The following PDLIM5 variants were observed in gnomAD, a reference collection of about 807,000 sequenced individuals.
PDLIM5 encodes the protein PDZ and LIM domain 5, also known as PDZ and LIM domain protein 5.
A neutral mutation model predicts 64.2 loss-of-function variants in PDLIM5; 34 were observed. That is an observed-to-expected ratio of 0.53 (90% CI 0.40 to 0.71). PDLIM5 has a LOEUF of 0.71. Among genes scored for constraint, PDLIM5 ranks in the 30% least tolerant of loss-of-function variants. PDLIM5 has a pLI of 0.00. For synonymous variants in PDLIM5, 253 were observed against 269.1 expected (o/e 0.94, Z 0.59); for missense variants, 683 against 733.6 (o/e 0.93, Z 0.80).
At chr4:94,607,921 A>C in intron 7 of PDLIM5, 1 of 475,018 alleles carries the variant, frequency 2.1e-6, no homozygotes, top group Non-Finnish European at 3.6e-6. Context: ...CCATTTGTAG[A>C]TGTGAAGTAA....
At chr4:94,555,652 A>G (rs1733228654) in intron 3 of PDLIM5, among the ~76,000 whole-genome samples, 2 of 152,042 alleles carry the variant, frequency 1.3e-5, no homozygotes, top group South Asian at 4.1e-4. Flanking sequence ...TTTCCCCATG[A>G]AAGTACCATA....
At chr4:94,454,969 G>T (rs763965493) in intron 1 of PDLIM5, among the ~76,000 whole-genome samples, 3 of 152,194 alleles carry the variant, frequency 2.0e-5, no homozygotes, top group Non-Finnish European at 4.4e-5. Context: ...AACTTTGCAT[G>T]CAAGAAGCCA....
At chr4:94,631,254 A>G (rs1740128188) in intron 8 of PDLIM5, among the ~76,000 whole-genome samples, 1 of 152,034 alleles carries the variant, frequency 6.6e-6, no homozygotes, top group Non-Finnish European at 1.5e-5. Flanking sequence ...GTTTCTCAAA[A>G]CGTGAAGAAT....
At chr4:94,497,078 T>C (rs1410379075) in intron 2 of PDLIM5, among the ~76,000 whole-genome samples, 1 of 152,198 alleles carries the variant, frequency 6.6e-6, no homozygotes, top group African/African-American at 2.4e-5. Flanking sequence ...ATGGGTGAAT[T>C]GTGATCTAAG....
chr4:94,608,288 T>C (rs1738089283), intron 7 of PDLIM5: 3 of 621,516 alleles, frequency 4.8e-6, no homozygotes, highest in Middle Eastern at 3.4e-4. Flanking sequence ...ACGGACATCA[T>C]TAACCTATAG....
chr4:94,622,817 C>G (rs1385280001), intron 8 of PDLIM5, among the ~76,000 whole-genome samples: 1 of 151,996 alleles, frequency 6.6e-6, no homozygotes, highest in African/African-American at 2.4e-5. Flanking sequence ...ACTACAGGTG[C>G]CTGCCACCAC....
intron 2 of PDLIM5, among the ~76,000 whole-genome samples, chr4:94,473,780 A>G (rs1250107248): frequency 1.3e-5 from 2 of 152,198 alleles, no homozygotes; most frequent in Non-Finnish European, 2.9e-5. Flanking sequence ...TTAATTATTA[A>G]TAGTATTTGA....
chr4:94,660,772 C>T (rs538743289), intron 11 of PDLIM5, among the ~76,000 whole-genome samples: 36 of 152,274 alleles, frequency 2.4e-4, no homozygotes, highest in Middle Eastern at 3.4e-3. Flanking sequence ...TATAGCCTGC[C>T]TTCCTCTCCA....
chr4:94,553,691 T>G (rs928342835), intron 3 of PDLIM5, among the ~76,000 whole-genome samples: 7 of 152,236 alleles, frequency 4.6e-5, no homozygotes, highest in Admixed American at 3.9e-4. Context: ...GTGGATTACC[T>G]TAGTGTGTCG....
chr4:94,637,487 A>G (rs1740665053), intron 8 of PDLIM5, among the ~76,000 whole-genome samples: 1 of 152,204 alleles, frequency 6.6e-6, no homozygotes, highest in Admixed American at 6.5e-5. Flanking sequence ...TGAACCCTGG[A>G]GGTGGAGGTT....
chr4:94,463,227 T>A (rs984409017), intron 2 of PDLIM5, among the ~76,000 whole-genome samples: 1 of 152,220 alleles, frequency 6.6e-6, no homozygotes, highest in African/African-American at 2.4e-5. Context: ...TTCAGTAGGC[T>A]GATATACAAT....
intron 11 of PDLIM5, among the ~76,000 whole-genome samples, chr4:94,658,309 C>T (rs538120999): frequency 6.6e-6 from 1 of 152,222 alleles, no homozygotes; most frequent in East Asian, 1.9e-4. Context: ...TGGATTGTTC[C>T]CTTGGTAAAA....
At chr4:94,580,794 T>C (rs1176507994) in intron 5 of PDLIM5, among the ~76,000 whole-genome samples, 6 of 152,060 alleles carry the variant, frequency 3.9e-5, no homozygotes, top group Non-Finnish European at 1.5e-5. Context: ...TGAAGCCAAA[T>C]TTTGATGTGC....
At chr4:94,600,943 T>G (rs1737437558) in intron 7 of PDLIM5, among the ~76,000 whole-genome samples, 1 of 152,216 alleles carries the variant, frequency 6.6e-6, no homozygotes, top group African/African-American at 2.4e-5. Flanking sequence ...TACAAAATAT[T>G]AAGTATTGAA....
intron 11 of PDLIM5, among the ~76,000 whole-genome samples, chr4:94,659,974 G>A (rs564712270): frequency 6.0e-5 from 9 of 149,046 alleles, no homozygotes; most frequent in Admixed American, 1.3e-4. Flanking sequence ...TCGGCTCACC[G>A]TAACCTCCAC....
At chr4:94,598,475 C>T (rs182491740) in intron 7 of PDLIM5, among the ~76,000 whole-genome samples, 29 of 152,170 alleles carry the variant, frequency 1.9e-4, no homozygotes, top group East Asian at 5.8e-4. Flanking sequence ...TGATATTAGA[C>T]GATAATCTGG....
chr4:94,573,543 T>G (rs1174334176), intron 4 of PDLIM5, 150 bp downstream of exon 4: 13 of 770,592 alleles, frequency 1.7e-5, no homozygotes, highest in Non-Finnish European at 3.1e-5. Context: ...CAGAGATGAG[T>G]AGGGAAATGG....
intron 7 of PDLIM5, among the ~76,000 whole-genome samples, chr4:94,612,253 A>AT (rs1738430820): frequency 6.6e-6 from 1 of 151,988 alleles, no homozygotes; most frequent in African/African-American, 2.4e-5. Flanking sequence ...ACAAACAAAA[A>AT]ATATATATAT....
intron 2 of PDLIM5, among the ~76,000 whole-genome samples, chr4:94,469,455 G>A (rs1724654568): frequency 6.6e-6 from 1 of 152,142 alleles, no homozygotes; most frequent in South Asian, 2.1e-4. Flanking sequence ...AGCAAGTGCA[G>A]GGGCCTTGAG....
Sources: allele counts gnomAD v4.1 joint callset (sites outside exome capture counted in the v4.1 genomes callset), GRCh38; gene constraint gnomAD v4.1.1; transcripts MANE v1.5; gene names NCBI Gene and HGNC (gene_info 2026-07-23, HGNC 2026-07-21).